The following ZNF407 variants were observed in gnomAD, a reference collection of about 807,000 sequenced individuals.
The protein encoded by ZNF407 is zinc finger protein 407.
Under a neutral mutation model 131.2 loss-of-function variants are expected in ZNF407, and 17 were observed. That is an observed-to-expected ratio of 0.13 (90% confidence interval 0.09 to 0.19). The LOEUF is 0.19. ZNF407 is among the 10% of genes least tolerant of loss of function. ZNF407 has a pLI of 1.00. For synonymous variants in ZNF407, 1,156 were observed against 1,062.0 expected (o/e 1.09, Z -1.72); for missense variants, 2,681 against 2,830.6 (o/e 0.95, Z 1.20).
At chr18:75,045,442 G>A (rs1973424316) in intron 8 of ZNF407, among the ~76,000 whole-genome samples, 2 of 152,278 alleles carry the variant, frequency 1.3e-5, no homozygotes, top group African/African-American at 4.8e-5. Flanking sequence ...CCTCCTGCAC[G>A]TAGGCCCACT....
intron 8 of ZNF407, among the ~76,000 whole-genome samples, chr18:74,978,846 A>G (rs1972556588): frequency 6.6e-6 from 1 of 152,122 alleles, no homozygotes; most frequent in Non-Finnish European, 1.5e-5. Context: ...TCAGCCCGGG[A>G]TTGAGTATAT....
intron 3 of ZNF407, among the ~76,000 whole-genome samples, chr18:74,642,252 T>C (rs1421690341): frequency 6.6e-6 from 1 of 152,130 alleles, no homozygotes; most frequent in African/African-American, 2.4e-5. Flanking sequence ...GATGACCCTT[T>C]GCCCTAAAGT....
chr18:75,020,834 T>C (rs562835952), intron 8 of ZNF407, among the ~76,000 whole-genome samples: 9 of 152,312 alleles, frequency 5.9e-5, no homozygotes, highest in Admixed American at 5.9e-4. Flanking sequence ...TAATCTAATC[T>C]GTGGATGTCA....
intron 3 of ZNF407, among the ~76,000 whole-genome samples, chr18:74,713,751 T>G (rs1390870781): frequency 6.6e-6 from 1 of 152,176 alleles, no homozygotes; most frequent in East Asian, 1.9e-4. Flanking sequence ...TTCCTTACTG[T>G]TTTTTTAAAT....
At chr18:74,788,527 G>A (rs1383533064) in intron 4 of ZNF407, among the ~76,000 whole-genome samples, 2 of 150,920 alleles carry the variant, frequency 1.3e-5, no homozygotes, top group African/African-American at 2.4e-5. Context: ...AAAGGAAAGG[G>A]AAGGATTCCT....
chr18:74,854,397 G>A (rs1599199103), intron 4 of ZNF407, among the ~76,000 whole-genome samples: 2 of 152,232 alleles, frequency 1.3e-5, no homozygotes, highest in South Asian at 2.1e-4. Flanking sequence ...AGACAAATAA[G>A]CATCTCTTAC....
chr18:74,725,414 A>T (rs1458723194), intron 3 of ZNF407, among the ~76,000 whole-genome samples: 1 of 150,966 alleles, frequency 6.6e-6, no homozygotes, highest in Admixed American at 6.6e-5. Context: ...TCACAAAATT[A>T]AAAAAAATTA....
chr18:74,654,997 T>G (rs1985390019), intron 3 of ZNF407, among the ~76,000 whole-genome samples: 1 of 152,006 alleles, frequency 6.6e-6, no homozygotes, highest in Admixed American at 6.5e-5. Flanking sequence ...TAAAAATGAC[T>G]AAAAAGTGGT....
intron 7 of ZNF407, among the ~76,000 whole-genome samples, chr18:74,895,231 T>TTTG (rs1568259196): frequency 6.6e-6 from 1 of 151,382 alleles, no homozygotes; most frequent in Non-Finnish European, 1.5e-5. Flanking sequence ...TTTCTTTTTT[T>TTTG]GGTGAGGGGA....
rs141439746 is a variant in ZNF407, at chr18:74,964,951, A to T, written c.5428+44259A>T. 4.5e-3 allele frequency among the ~76,000 whole-genome samples: 691 copies of T among 152,330 alleles called. 5 individuals are homozygous for T. Among genetic ancestry groups the T allele is most frequent in the African/African-American group, 0.015 (635 of 41,580 alleles). On this transcript the variant is annotated intron_variant, in intron 8 of 8. Coordinates refer to ENST00000299687, the MANE Select transcript of ZNF407 (RefSeq NM_017757.3). ...CACAGAGATCTGCATTTTCGTGTGT[A>T]TCTATATGATTGCCTTAGCAGTAGA...
At chr18:74,936,799 A>G (rs564762371) in intron 8 of ZNF407, among the ~76,000 whole-genome samples, 3 of 152,356 alleles carry the variant, frequency 2.0e-5, no homozygotes, top group East Asian at 3.9e-4. Flanking sequence ...ACTTTCTTTA[A>G]TATTTCCAAA....
chr18:75,045,573 CATT>C (rs2122249613), intron 8 of ZNF407, among the ~76,000 whole-genome samples: 1 of 152,336 alleles, frequency 6.6e-6, no homozygotes, highest in South Asian at 2.1e-4. Context: ...ATTTTATCAT[CATT>C]GTCTTTTGTT....
intron 1 of ZNF407, among the ~76,000 whole-genome samples, chr18:74,612,847 G>C (rs1015509823): frequency 2.0e-5 from 3 of 152,198 alleles, no homozygotes; most frequent in Middle Eastern, 3.2e-3. Context: ...AGGGTCAGAG[G>C]AAGAAGACAA....
intron 4 of ZNF407, among the ~76,000 whole-genome samples, chr18:74,791,165 C>T (rs1332284714): frequency 6.6e-6 from 1 of 152,188 alleles, no homozygotes; most frequent in Non-Finnish European, 1.5e-5. Context: ...AGATGTCTGA[C>T]TGTCATTTCC....
rs182831229 is a variant in ZNF407, at chr18:74,909,477, G to A, written c.5250-11037G>A. On this transcript the variant is annotated intron_variant, in intron 7 of 8. Transcript: ENST00000299687. ...GTTCTGTAGTCAAAAAATTTGAGAA[G>A]CAAAATGTTAAGCAAAACTAAGCGT... 1.1e-3 allele frequency among the ~76,000 whole-genome samples: 168 copies of A among 152,164 alleles called. 1 individual carries two copies. Among genetic ancestry groups the A allele is most frequent in the African/African-American group, 3.7e-3 (153 of 41,538 alleles).
At chr18:74,924,581 T>C (rs1370998384) in intron 8 of ZNF407, among the ~76,000 whole-genome samples, 3 of 152,152 alleles carry the variant, frequency 2.0e-5, no homozygotes, top group Admixed American at 6.5e-5. Flanking sequence ...ATAAATAAGC[T>C]TGGTACTCAT....
chr18:74,897,236 G>T (rs902153857), intron 7 of ZNF407, among the ~76,000 whole-genome samples: 9 of 152,142 alleles, frequency 5.9e-5, no homozygotes, highest in African/African-American at 2.2e-4. Flanking sequence ...AAAACAAATA[G>T]ATTCCATAGC....
intron 3 of ZNF407, among the ~76,000 whole-genome samples, chr18:74,710,486 T>C (rs1369696167): frequency 6.6e-6 from 1 of 152,212 alleles, no homozygotes; most frequent in Non-Finnish European, 1.5e-5. Flanking sequence ...GTTATAAGGT[T>C]TGACTGAATG....
intron 8 of ZNF407, among the ~76,000 whole-genome samples, chr18:75,005,895 T>A (rs994000300): frequency 2.6e-5 from 4 of 152,090 alleles, no homozygotes; most frequent in African/African-American, 9.7e-5. Flanking sequence ...GACTTGGGAA[T>A]GTATGTTTGA....
Sources: allele counts gnomAD v4.1 joint callset (sites outside exome capture counted in the v4.1 genomes callset), GRCh38; gene constraint gnomAD v4.1.1; transcripts MANE v1.5; gene names NCBI Gene and HGNC (gene_info 2026-07-23, HGNC 2026-07-21).